The following VSTM4 variants were observed in gnomAD, a reference collection of about 807,000 sequenced individuals.
VSTM4 encodes the protein V-set and transmembrane domain-containing protein 4.
In VSTM4, 20 loss-of-function variants were observed where a neutral mutation model predicts 36.4. The ratio of observed to expected loss-of-function variants is 0.55; its 90% CI spans 0.39 to 0.80. The LOEUF is 0.80. VSTM4 is among the 30% of genes least tolerant of loss of function. The pLI, the probability that VSTM4 is intolerant of heterozygous loss-of-function variation, is 0.00. For synonymous variants in VSTM4, 182 were observed against 173.9 expected, an observed-to-expected ratio of 1.05 and a Z score of -0.37; for missense variants, 392 against 404.5, an observed-to-expected ratio of 0.97 and a Z score of 0.26.
chr10:49,075,477 C>A (rs1331081803), intron 4 of VSTM4, among the ~76,000 whole-genome samples: 1 of 152,280 alleles, frequency 6.6e-6, no homozygotes, highest in Non-Finnish European at 1.5e-5. Context: ...GTGGTCCCTG[C>A]CTCTCACACT....
At chr10:49,104,593 A>G (rs1203274934) in intron 2 of VSTM4, among the ~76,000 whole-genome samples, 2 of 152,192 alleles carry the variant, frequency 1.3e-5, no homozygotes, top group Non-Finnish European at 2.9e-5. Flanking sequence ...GTTCTAGAAG[A>G]TATGGTCATT....
rs1844978913 is a variant in VSTM4 at position 49,115,444 on chromosome 10, C to T, written c.42G>A (p.Arg14=). ...CGCCGCGCTTACCCGGAGCCGGAGC[C>T]CGCGCCAGCAGCGCGGCCGCCGCCA... ...LALAAAALLA[R]APAPEVCAAL... is the part of the protein sequence containing the mutation. The change falls in exon 1 of 8, where the codon CGG becomes CGA. Residue 14 remains arginine, a synonymous_variant. Coordinates refer to ENST00000332853, the MANE Select transcript of VSTM4 (RefSeq NM_001031746.5). 3 of 1,045,672 alleles carry T rather than the reference C, an allele frequency of 2.9e-6. No individual in the cohort carries two copies. Among genetic ancestry groups the T allele is most frequent in the Non-Finnish European group, 3.5e-6 (3 of 863,720 alleles). The allele number at this position is 1,045,672 out of a possible 1,614,324, so 64.8% of individuals were successfully genotyped here.
intron 7 of VSTM4, among the ~76,000 whole-genome samples, chr10:49,045,785 C>G (rs528113351): frequency 6.6e-6 from 1 of 152,300 alleles, no homozygotes; most frequent in East Asian, 1.9e-4. Context: ...ATATTGTCGT[C>G]ATGTGCCCCG....
intron 2 of VSTM4, among the ~76,000 whole-genome samples, chr10:49,090,326 T>G (rs1844449738): frequency 2.0e-5 from 3 of 152,178 alleles, no homozygotes; most frequent in Admixed American, 2.0e-4. Context: ...GACAACAGCC[T>G]CTTGTACCAA....
intron 5 of VSTM4, among the ~76,000 whole-genome samples, chr10:49,057,987 T>C (rs1340693644): frequency 6.6e-6 from 1 of 152,170 alleles, no homozygotes; most frequent in African/African-American, 2.4e-5. Flanking sequence ...ACCCTACAAC[T>C]GATCACAGTA....
intron 7 of VSTM4, among the ~76,000 whole-genome samples, chr10:49,032,016 G>A (rs1210880904): frequency 3.3e-5 from 5 of 152,048 alleles, no homozygotes; most frequent in African/African-American, 1.2e-4. Context: ...CTGCTCAACT[G>A]TGACGTCCTC....
intron 3 of VSTM4, among the ~76,000 whole-genome samples, chr10:49,080,096 T>G (rs958723914): frequency 2.0e-5 from 3 of 152,226 alleles, no homozygotes; most frequent in African/African-American, 7.2e-5. Flanking sequence ...AATAATTCTG[T>G]GGTGAGCATT....
At position 49,015,127 on chromosome 10, in the gene VSTM4, T is replaced by G. The variant is rs1843084867; in HGVS notation, c.*4523A>C. ...CCTGAGCCAGGATCTACATTTTTTT[T>G]TTTTTTTTTTTTGAGACGGAATCTC... On this transcript the variant is annotated 3_prime_UTR_variant, in exon 8 of 8. Transcript: ENST00000332853. 1 of 150,472 alleles carries G rather than the reference T, an allele frequency of 6.6e-6. No individual in the cohort carries two copies. The highest frequency in any genetic ancestry group is 2.0e-4 in the East Asian group (1 of 5,124). 9.3% of individuals were successfully genotyped at this position (150,472 alleles called of 1,614,324 possible). A position where few individuals can be genotyped will look rare whatever the true frequency, so the allele number is the denominator to read the frequency against.
intron 7 of VSTM4, among the ~76,000 whole-genome samples, chr10:49,023,782 G>A (rs1843215737): frequency 6.6e-6 from 1 of 152,174 alleles, no homozygotes; most frequent in South Asian, 2.1e-4. Flanking sequence ...TACTCTGGGG[G>A]ATGCAGGAAG....
At position 49,077,370 on chromosome 10, in the gene VSTM4, G is replaced by T. The variant is rs752454291; in HGVS notation, c.527-44C>A. ...CACGTGAGTCAGCCTTCTGGGGGCC[G>T]CAGCAGAAGTGCGCTGGCAAGAGAA... On this transcript the variant is annotated intron_variant, in intron 3 of 7. Transcript: ENST00000332853. The T allele has an allele frequency of 1.9e-6, 3 of 1,564,826 alleles. No individual in the cohort carries two copies. In the African/African-American group the frequency reaches 4.1e-5, roughly 21 times the overall value.
intron 4 of VSTM4, among the ~76,000 whole-genome samples, chr10:49,073,789 G>C (rs1480365378): frequency 2.0e-5 from 3 of 152,218 alleles, no homozygotes; most frequent in African/African-American, 7.2e-5. Flanking sequence ...TTCTCCTATA[G>C]ACTTTGAGTA....
At chr10:49,048,344 C>A in intron 6 of VSTM4, 134 bp downstream of exon 6, 1 of 794,088 alleles carries the variant, frequency 1.3e-6, no homozygotes. Context: ...GGGGTCCAGA[C>A]TACATAATCA....
rs1843093215 is a variant in VSTM4, at chr10:49,015,600, C to G, written c.*4050G>C. The G allele has an allele frequency of 6.6e-6, 1 of 152,226 alleles. No homozygotes were observed. The highest frequency in any genetic ancestry group is 1.5e-5 in the Non-Finnish European group (1 of 68,094). The allele number at this position is 152,226 out of a possible 1,614,324, so 9.4% of individuals were successfully genotyped here. On this transcript the variant is annotated 3_prime_UTR_variant, in exon 8 of 8. Transcript: ENST00000332853. ...CTGTTTGGTTTTCCTTCCTGATGAA[C>G]AGTTTCTATCCTATGTATGGAGATG...
chr10:49,044,777 T>G (rs1843580388), intron 7 of VSTM4, among the ~76,000 whole-genome samples: 1 of 152,338 alleles, frequency 6.6e-6, no homozygotes, highest in South Asian at 2.1e-4. Flanking sequence ...AAAAACATCT[T>G]TGTCTACTCT....
rs748343524 is a variant in VSTM4 at position 49,019,775 on chromosome 10, G to T, written c.838C>A (p.Pro280Thr). 8 of 1,608,608 alleles carry T rather than the reference G, an allele frequency of 5.0e-6. No individual in the cohort carries two copies. The highest frequency in any genetic ancestry group is 1.7e-6 in the Non-Finnish European group (2 of 1,177,734). ...LLKPQRKVTL[P>T]KIAEENLTYA... ...GTTAAGTTTTCCTCAGCAATCTTTG[G>T]CTATAAAAGAAAAAACAAAACAAAA... Residue 280 changes from proline to threonine, a missense_variant and splice_region_variant, in exon 8 of 8, where the codon CCA becomes ACA. Physicochemically the swap from Pro to Thr is conservative, Grantham distance 38. Transcript: ENST00000332853.
rs116040716 is a variant in VSTM4 at position 49,097,635 on chromosome 10, G to A, written c.457+9959C>T. ...CACTGAGCATGCAGGACAGACATGGGTGGACACAGTCTGTGCAACACAGGG... is the reference window on the plus strand; with the variant it reads ...CACTGAGCATGCAGGACAGACATGGATGGACACAGTCTGTGCAACACAGGG... On this transcript the variant is annotated intron_variant, in intron 2 of 7. Transcript: ENST00000332853. Among the ~76,000 whole-genome samples, 1,057 of 152,306 alleles carry A rather than the reference G, an allele frequency of 6.9e-3. 10 individuals carry two copies. The highest frequency in any genetic ancestry group is 0.024 in the African/African-American group (1,003 of 41,562).
At chr10:49,091,005 G>A (rs544367241) in intron 2 of VSTM4, among the ~76,000 whole-genome samples, 6 of 139,638 alleles carry the variant, frequency 4.3e-5, no homozygotes, top group African/African-American at 1.5e-4. Flanking sequence ...GGGGTGGGGG[G>A]TGGGGAAAGG....
chr10:49,105,459 G>C (rs1456576219), intron 2 of VSTM4, among the ~76,000 whole-genome samples: 1 of 152,042 alleles, frequency 6.6e-6, no homozygotes, highest in African/African-American at 2.4e-5. Flanking sequence ...AAGAAGAAAA[G>C]AGGCGGGGAG....
intron 2 of VSTM4, among the ~76,000 whole-genome samples, chr10:49,101,824 G>T (rs548790001): frequency 6.6e-6 from 1 of 152,362 alleles, no homozygotes; most frequent in African/African-American, 2.4e-5. Context: ...AACACTGGAA[G>T]ATTCCTAAGT....
Sources: gnomAD v4.1 joint callset for allele counts (sites outside exome capture counted in the v4.1 genomes callset) on GRCh38, gnomAD v4.1.1 for gene constraint, MANE v1.5 for transcripts, NCBI Gene and HGNC (gene_info 2026-07-23, HGNC 2026-07-21) for gene names.